DPP10: variants seen among roughly 807,000 people sequenced by gnomAD.
DPP10 encodes dipeptidyl peptidase like 10, also known as inactive dipeptidyl peptidase 10.
DPP10 carries 33 observed loss-of-function variants against 120.9 expected under a neutral mutation model. The ratio of observed to expected loss-of-function variants is 0.27; its 90% CI spans 0.21 to 0.37. DPP10 has a LOEUF of 0.37. Ranked by LOEUF, DPP10 falls within the 10% of genes least tolerant of loss-of-function variation. The pLI is 1.00. For missense variants in DPP10, 816 were observed against 942.8 expected (o/e 0.87, Z 1.76); for synonymous variants, 337 against 326.1 (o/e 1.03, Z -0.36).
At position 114,881,910 on chromosome 2, in the gene DPP10, T is replaced by C. The variant is rs184801504; in HGVS notation, c.61-427329T>C. Among the ~76,000 whole-genome samples the C allele has an allele frequency of 1.2e-4, 19 of 152,240 alleles. 1 individual carries two copies. The East Asian group carries it at 3.5e-3, about 28-fold the overall frequency. ...GAGCAAATAAACTGAGTCAGTAATATACATAATGATCATCAAAATCCAAAC... is the reference window on the plus strand; with the variant it reads ...GAGCAAATAAACTGAGTCAGTAATACACATAATGATCATCAAAATCCAAAC... On this transcript the variant is annotated intron_variant, in intron 1 of 25. Coordinates refer to ENST00000410059, the MANE Select transcript of DPP10 (RefSeq NM_020868.6).
At chr2:115,829,596 A>G (rs1688718223) in intron 21 of DPP10, among the ~76,000 whole-genome samples, 1 of 152,196 alleles carries the variant, frequency 6.6e-6, no homozygotes, top group Admixed American at 6.5e-5. Context: ...AAGAAGAATT[A>G]AAATAGTCAC....
At chr2:114,584,390 G>GTTTA (rs1690774679) in intron 1 of DPP10, among the ~76,000 whole-genome samples, 1 of 151,940 alleles carries the variant, frequency 6.6e-6, no homozygotes, top group Non-Finnish European at 1.5e-5. Flanking sequence ...TTATTTATTT[G>GTTTA]TTTATTTATT....
chr2:115,385,052 C>G (rs529964491), intron 3 of DPP10, among the ~76,000 whole-genome samples: 9 of 152,296 alleles, frequency 5.9e-5, no homozygotes, highest in Admixed American at 5.9e-4. Context: ...CTTTCACCTC[C>G]TGCCATTATT....
chr2:115,452,814 T>G (rs1490910745), intron 3 of DPP10, among the ~76,000 whole-genome samples: 1 of 151,898 alleles, frequency 6.6e-6, no homozygotes, highest in South Asian at 2.1e-4. Context: ...AATATAAGTA[T>G]TGTGTTTCAG....
At chr2:115,291,179 T>A (rs1171705321) in intron 1 of DPP10, among the ~76,000 whole-genome samples, 1 of 151,964 alleles carries the variant, frequency 6.6e-6, no homozygotes, top group Non-Finnish European at 1.5e-5. Context: ...AATTTTTTAT[T>A]TTTTGTAGAG....
At chr2:115,226,045 T>A (rs920048045) in intron 1 of DPP10, among the ~76,000 whole-genome samples, 2 of 152,072 alleles carry the variant, frequency 1.3e-5, no homozygotes, top group Non-Finnish European at 2.9e-5. Context: ...TCAGAAGTTG[T>A]CAACAGAACT....
At chr2:114,621,751 T>C (rs1417511780) in intron 1 of DPP10, among the ~76,000 whole-genome samples, 1 of 151,802 alleles carries the variant, frequency 6.6e-6, no homozygotes, top group African/African-American at 2.4e-5. Flanking sequence ...TAGAGGTTTT[T>C]TCATTTTATA....
intron 1 of DPP10, among the ~76,000 whole-genome samples, chr2:114,701,585 A>G (rs1419792336): frequency 6.6e-6 from 1 of 152,170 alleles, no homozygotes; most frequent in Non-Finnish European, 1.5e-5. Flanking sequence ...TAAAGAAGAT[A>G]ACTACATTTG....
intron 1 of DPP10, among the ~76,000 whole-genome samples, chr2:115,056,869 G>T (rs1705963017): frequency 6.6e-6 from 1 of 152,160 alleles, no homozygotes; most frequent in Non-Finnish European, 1.5e-5. Flanking sequence ...TCTTTTACCT[G>T]CAACAAAATA....
intron 5 of DPP10, among the ~76,000 whole-genome samples, chr2:115,535,596 G>A (rs1448873150): frequency 5.3e-5 from 8 of 150,272 alleles, no homozygotes; most frequent in Non-Finnish European, 1.2e-4. Flanking sequence ...GGTGATGCGG[G>A]CTCTTTTTTG....
intron 1 of DPP10, among the ~76,000 whole-genome samples, chr2:115,068,131 A>T (rs1262306591): frequency 1.3e-5 from 2 of 152,028 alleles, no homozygotes; most frequent in South Asian, 2.1e-4. Flanking sequence ...TTAATTTTTT[A>T]AGAACCTCCA....
At chr2:115,416,088 C>A (rs1053710563) in intron 3 of DPP10, among the ~76,000 whole-genome samples, 2 of 151,826 alleles carry the variant, frequency 1.3e-5, no homozygotes, top group Non-Finnish European at 2.9e-5. Flanking sequence ...GGTAATTAGA[C>A]TACAGGGTGT....
intron 1 of DPP10, among the ~76,000 whole-genome samples, chr2:115,054,802 C>A (rs2105360322): frequency 6.6e-6 from 1 of 152,076 alleles, no homozygotes; most frequent in Middle Eastern, 3.4e-3. Context: ...ATCCCAGCTA[C>A]TAGGGAGGCT....
At chr2:115,139,483 A>G (rs2050808178) in intron 1 of DPP10, among the ~76,000 whole-genome samples, 1 of 152,056 alleles carries the variant, frequency 6.6e-6, no homozygotes, top group Admixed American at 6.6e-5. Context: ...TACTACTGAG[A>G]CAGAGAAATA....
chr2:114,517,672 A>G (rs1344884778), intron 1 of DPP10, among the ~76,000 whole-genome samples: 1 of 152,248 alleles, frequency 6.6e-6, no homozygotes, highest in African/African-American at 2.4e-5. Context: ...TGAAATGAAA[A>G]CACATTAAGC....
chr2:115,627,222 A>G (rs1452301046), intron 5 of DPP10, among the ~76,000 whole-genome samples: 1 of 152,298 alleles, frequency 6.6e-6, no homozygotes, highest in East Asian at 1.9e-4. Flanking sequence ...TCTTCACCCT[A>G]TTGCTGATAG....
chr2:115,117,333 A>G (rs558984184), intron 1 of DPP10, among the ~76,000 whole-genome samples: 4 of 152,350 alleles, frequency 2.6e-5, no homozygotes, highest in African/African-American at 9.6e-5. Flanking sequence ...ATGATGGTGG[A>G]AAGCCAAAAC....
At chr2:115,054,706 T>A (rs1003004089) in intron 1 of DPP10, among the ~76,000 whole-genome samples, 1 of 150,672 alleles carries the variant, frequency 6.6e-6, no homozygotes, top group African/African-American at 2.4e-5. Context: ...AGGTCAGGAG[T>A]TCAAGAGCAG....
At chr2:114,790,747 A>C (rs1683170213) in intron 1 of DPP10, among the ~76,000 whole-genome samples, 1 of 152,172 alleles carries the variant, frequency 6.6e-6, no homozygotes, top group African/African-American at 2.4e-5. Flanking sequence ...AGGTACTGTC[A>C]TCAGTTAAGG....
Sources: allele counts gnomAD v4.1 joint callset (sites outside exome capture counted in the v4.1 genomes callset), GRCh38; gene constraint gnomAD v4.1.1; transcripts MANE v1.5; gene names NCBI Gene and HGNC (gene_info 2026-07-23, HGNC 2026-07-21).